EMB: variants seen among roughly 807,000 people sequenced by gnomAD.
EMB encodes the protein embigin.
A neutral mutation model predicts 41.4 loss-of-function variants in EMB; 31 were observed. The observed-to-expected ratio is 0.75, with a 90% CI of 0.56 to 1.01. The LOEUF is 1.01. Ranked by LOEUF, EMB falls within the 50% of genes least tolerant of loss-of-function variation. The pLI is 0.00. For synonymous variants in EMB, 137 were observed against 140.4 expected, an observed-to-expected ratio of 0.98 and a Z score of 0.17; for missense variants, 379 against 388.3, an observed-to-expected ratio of 0.98 and a Z score of 0.20.
upstream of EMB, chr5:50,443,332 T>C (rs1244973603): frequency 2.0e-5 from 3 of 152,178 alleles, no homozygotes; most frequent in Admixed American, 2.0e-4. Context: ...GACGAAGAAA[T>C]TGGGGATTGG....
At chr5:50,433,291 T>C (rs900130148) in intron 1 of EMB, among the ~76,000 whole-genome samples, 10 of 152,096 alleles carry the variant, frequency 6.6e-5, no homozygotes, top group Non-Finnish European at 1.5e-4. Context: ...ACCAGTCTTG[T>C]AAAACTATTT....
intron 4 of EMB, among the ~76,000 whole-genome samples, chr5:50,406,647 G>T (rs1188997967): frequency 6.6e-6 from 1 of 151,936 alleles, no homozygotes; most frequent in Non-Finnish European, 1.5e-5. Context: ...ATGTATTATA[G>T]AAGGTACACT....
chr5:50,414,451 G>C (rs182795951), intron 2 of EMB, among the ~76,000 whole-genome samples: 22 of 144,456 alleles, frequency 1.5e-4, no homozygotes, highest in African/African-American at 5.4e-4. Flanking sequence ...TCTTGAGCCC[G>C]AGAGTTGAGG....
Position 50,441,130 on chromosome 5 carries a change from G to C in EMB, c.22C>G (p.Leu8Val). The C allele has an allele frequency of 6.6e-7, 1 of 1,507,286 alleles. No individual in the cohort carries two copies. The allele number at this position is 1,507,286 out of a possible 1,614,324, so 93.4% of individuals were successfully genotyped here. The change falls in exon 1 of 9, where the codon CTG becomes GTG. Residue 8 changes from leucine to valine, a missense_variant. Transcript: ENST00000303221. MRALPGL[L>V]EARARTPRLL... ...CGGGGCGTACGCGCCCTGGCCTCCA[G>C]CAGGCCGGGGAGGGCGCGCATGGCG... is the stretch of plus-strand genomic sequence containing the variant.
Position 50,441,188 on chromosome 5 carries a change from G to C in EMB, c.-37C>G. ...GTCCGCCTGGGTCCTCGTGGAGACT[G>C]CTCCCTCAGCTCGCCGCCGCGGGTG... On this transcript the variant is annotated 5_prime_UTR_variant, in exon 1 of 9. Coordinates refer to ENST00000303221, the MANE Select transcript of EMB (RefSeq NM_198449.3). The C allele has an allele frequency of 8.0e-7, 1 of 1,254,734 alleles. No homozygotes were observed. Among genetic ancestry groups the C allele is most frequent in the South Asian group, 1.9e-5 (1 of 53,666 alleles). The allele number at this position is 1,254,734 out of a possible 1,614,324, so 77.7% of individuals were successfully genotyped here.
intron 1 of EMB, among the ~76,000 whole-genome samples, chr5:50,434,427 T>C (rs6450108): frequency 0.51 from 77,247 of 151,972 alleles, 20,610 homozygotes; most frequent in African/African-American, 0.67. Flanking sequence ...GCCACCCTTC[T>C]CTCCCAAGAA....
intron 6 of EMB, among the ~76,000 whole-genome samples, chr5:50,402,906 G>T (rs1162355127): frequency 6.7e-6 from 1 of 148,820 alleles, no homozygotes; most frequent in African/African-American, 2.5e-5. Context: ...AAAAGAGGGG[G>T]GTGGTGGGGG....
chr5:50,403,254 T>C lies in EMB; in HGVS notation c.801A>G (p.Ile267Met). The C allele has an allele frequency of 1.2e-6, 2 of 1,612,550 alleles. No homozygotes were observed. Among genetic ancestry groups the C allele is most frequent in the South Asian group, 2.2e-5 (2 of 91,040 alleles). The change falls in exon 6 of 9, where the codon ATA (isoleucine) becomes ATG (methionine). Residue 267 changes from isoleucine (I) to methionine (M), a missense_variant. By Grantham distance (10) the Ile-to-Met change is conservative (BLOSUM62 1). Coordinates refer to ENST00000303221, the MANE Select transcript of EMB (RefSeq NM_198449.3). ...YLVPLKPFLV[I>M]VAEVILLVAT... ...CCACTAAAAGAATCACCTCAGCCACTATTACAAGAAATGGTTTGAGGGGCA... is the reference window on the plus strand; with the variant it reads ...CCACTAAAAGAATCACCTCAGCCACCATTACAAGAAATGGTTTGAGGGGCA...
chr5:50,416,774 C>A (rs1039868876), intron 2 of EMB, among the ~76,000 whole-genome samples: 1 of 152,128 alleles, frequency 6.6e-6, no homozygotes, highest in Non-Finnish European at 1.5e-5. Flanking sequence ...AAGGAAGAGG[C>A]AACGAAAGAT....
At chr5:50,442,250 T>C (rs1426371386), upstream of EMB, among the ~76,000 whole-genome samples, 4 of 152,022 alleles carry the variant, frequency 2.6e-5, no homozygotes, top group Non-Finnish European at 5.9e-5. Context: ...ATTTTGAAAA[T>C]TGAGCTATTT....
chr5:50,423,846 A>G lies in EMB; in HGVS notation c.196+4298T>C, dbSNP rs117900420. ...TTGCAGGTTTAAAAAAATTATTTTTATTCACATTATTTTTAACTGGCAGGA... is the reference window on the plus strand; with the variant it reads ...TTGCAGGTTTAAAAAAATTATTTTTGTTCACATTATTTTTAACTGGCAGGA... On this transcript the variant is annotated intron_variant, in intron 2 of 8. Transcript: ENST00000303221. Among the ~76,000 whole-genome samples the G allele has an allele frequency of 8.7e-4, 132 of 152,318 alleles. 1 individual carries two copies. In the East Asian group the frequency reaches 0.022, roughly 26 times the overall value.
chr5:50,411,667 TACCCTATAAC>T (rs59609001), intron 2 of EMB: 73,870 of 191,028 alleles, frequency 0.39, 14,877 homozygotes, highest in African/African-American at 0.5. Context: ...GGGTAGAGAG[TACCCTATAAC>T]ATGTGCCGTA....
chr5:50,411,640 A>G, intron 2 of EMB: 1 of 252,914 alleles, frequency 4.0e-6, no homozygotes, highest in South Asian at 9.2e-5. Context: ...CTTAAGCTCT[A>G]TACTGAGCAG....
chr5:50,404,115 C>T (rs952479654), intron 5 of EMB, among the ~76,000 whole-genome samples: 6 of 151,942 alleles, frequency 3.9e-5, no homozygotes, highest in African/African-American at 1.2e-4. Flanking sequence ...CCATATTAAG[C>T]TATTTGGGGC....
At chr5:50,423,380 T>C (rs1160501369) in intron 2 of EMB, among the ~76,000 whole-genome samples, 1 of 152,196 alleles carries the variant, frequency 6.6e-6, no homozygotes, top group Non-Finnish European at 1.5e-5. Flanking sequence ...TCAGTCACAT[T>C]TTTTATTTCA....
chr5:50,428,586 G>C, intron 1 of EMB: 1 of 991,522 alleles, frequency 1.0e-6, no homozygotes, highest in Non-Finnish European at 1.2e-6. Flanking sequence ...AAGATATGAA[G>C]AGGCAGAGAG....
At chr5:50,431,487 T>C (rs978472163) in intron 1 of EMB, among the ~76,000 whole-genome samples, 1 of 152,092 alleles carries the variant, frequency 6.6e-6, no homozygotes, top group Non-Finnish European at 1.5e-5. Context: ...AAAAGAAGTA[T>C]AAAATGGAGA....
chr5:50,425,835 C>G (rs1257541508), intron 2 of EMB, among the ~76,000 whole-genome samples: 3 of 151,824 alleles, frequency 2.0e-5, no homozygotes, highest in Non-Finnish European at 4.4e-5. Context: ...AGGTGCCCAC[C>G]ACCACACTTG....
intron 2 of EMB, among the ~76,000 whole-genome samples, chr5:50,421,120 A>C (rs1745514657): frequency 1.3e-5 from 2 of 152,234 alleles, no homozygotes; most frequent in African/African-American, 4.8e-5. Flanking sequence ...TAGTATAAAA[A>C]CATTAATTTT....
Sources: gnomAD v4.1 joint callset for allele counts (sites outside exome capture counted in the v4.1 genomes callset) on GRCh38, gnomAD v4.1.1 for gene constraint, MANE v1.5 for transcripts, NCBI Gene and HGNC (gene_info 2026-07-23, HGNC 2026-07-21) for gene names.